Variants in ESRRG observed in about 807,000 individuals in gnomAD.
The protein encoded by ESRRG is estrogen related receptor gamma, also known as estrogen-related receptor gamma.
Under a neutral mutation model 44.0 loss-of-function variants are expected in ESRRG, and 13 were observed. The observed-to-expected ratio is 0.30, with a 90% CI of 0.19 to 0.47. The LOEUF (loss-of-function observed/expected upper bound fraction) is 0.47, where lower values mean the gene tolerates loss of function less well. Among genes scored for constraint, ESRRG ranks in the 20% least tolerant of loss-of-function variants. The pLI, the probability that ESRRG is intolerant of heterozygous loss-of-function variation, is 1.00. For synonymous variants in ESRRG, 215 were observed against 214.6 expected (o/e 1.00, Z -0.02); for missense variants, 395 against 580.6 (o/e 0.68, Z 3.29).
rs1553355981 is a variant in ESRRG at position 216,569,111 on chromosome 1, A to AGGAAGGAAGGAAGGAGGAAG, written c.590-1014_590-1013insCTTCCTCCTTCCTTCCTTCC. ...AAGGAAGGAAGGAAGGAAGGAAGGAAGAAGGAAGGAAGGAAGGAAGGAAAG... is the reference window on the plus strand; with the variant it reads ...AAGGAAGGAAGGAAGGAAGGAAGGAAGGAAGGAAGGAAGGAGGAAGGAAGGAAGGAAGGAAGGAAGGAAAG... On this transcript the variant is annotated intron_variant, in intron 3 of 6. Coordinates refer to ENST00000408911, the MANE Select transcript of ESRRG (RefSeq NM_001438.4). 3.0e-3 allele frequency among the ~76,000 whole-genome samples: 312 copies of AGGAAGGAAGGAAGGAGGAAG among 104,466 alleles called. 10 individuals carry two copies. Among genetic ancestry groups the AGGAAGGAAGGAAGGAGGAAG allele is most frequent in the African/African-American group, 8.1e-3 (229 of 28,360 alleles). 68.5% of individuals were successfully genotyped at this position (104,466 alleles called of 152,430 possible).
chr1:216,906,724 TA>T (rs1560060727), intron 2 of ESRRG, among the ~76,000 whole-genome samples: 3 of 152,190 alleles, frequency 2.0e-5, no homozygotes, highest in African/African-American at 7.2e-5. Context: ...AGAGAGAAAG[TA>T]AAGAAAGAAT....
chr1:216,721,328 G>A (rs1031089303), intron 1 of ESRRG, among the ~76,000 whole-genome samples: 6 of 152,146 alleles, frequency 3.9e-5, no homozygotes, highest in South Asian at 2.1e-4. Context: ...GGTTTAACCC[G>A]GTACAATTAC....
chr1:216,631,044 G>A (rs191400835), intron 3 of ESRRG, among the ~76,000 whole-genome samples: 1 of 150,328 alleles, frequency 6.7e-6, no homozygotes, highest in Non-Finnish European at 1.5e-5. Flanking sequence ...CACATTTTCT[G>A]TTCTAGGAAG....
intron 1 of ESRRG, among the ~76,000 whole-genome samples, chr1:216,707,931 C>A (rs1490314912): frequency 3.3e-5 from 5 of 151,948 alleles, no homozygotes; most frequent in Non-Finnish European, 7.4e-5. Context: ...AGCTATGTAC[C>A]CATAACCTAA....
At chr1:216,516,222 A>T (rs1345385937) in intron 6 of ESRRG, among the ~76,000 whole-genome samples, 1 of 152,148 alleles carries the variant, frequency 6.6e-6, no homozygotes, top group African/African-American at 2.4e-5. Flanking sequence ...TTCAAAAGTA[A>T]TTGGAACTAT....
intron 2 of ESRRG, among the ~76,000 whole-genome samples, chr1:216,931,646 C>T (rs567181963): frequency 2.8e-4 from 43 of 152,262 alleles, no homozygotes; most frequent in Admixed American, 2.3e-3. Flanking sequence ...TCTGAACACC[C>T]TTGGTTACTG....
chr1:216,764,107 T>C (rs2092942525), intron 2 of ESRRG, among the ~76,000 whole-genome samples: 1 of 152,104 alleles, frequency 6.6e-6, no homozygotes. Flanking sequence ...TCATCTCAGA[T>C]CAGAGGCAGA....
chr1:216,645,871 CA>C (rs776262531), intron 3 of ESRRG, among the ~76,000 whole-genome samples: 19,992 of 91,022 alleles, frequency 0.22, 1,532 homozygotes, highest in South Asian at 0.34. Context: ...GACCCCTTCT[CA>C]AAAAAAAAAA....
At chr1:216,971,153 T>C (rs1409933945) in intron 1 of ESRRG, among the ~76,000 whole-genome samples, 1 of 152,084 alleles carries the variant, frequency 6.6e-6, no homozygotes, top group Admixed American at 6.5e-5. Context: ...CTGCAGAAAA[T>C]ACTGTTTGAG....
chr1:217,024,177 T>C (rs1251790634), intron 1 of ESRRG, among the ~76,000 whole-genome samples: 2 of 151,810 alleles, frequency 1.3e-5, no homozygotes, highest in Non-Finnish European at 2.9e-5. Context: ...GCTAACACGG[T>C]GAAACCCCGT....
upstream of ESRRG, among the ~76,000 whole-genome samples, chr1:216,727,948 G>C (rs1032064645): frequency 1.8e-4 from 28 of 152,096 alleles, no homozygotes; most frequent in African/African-American, 5.8e-4. Context: ...AGGCAATTCA[G>C]TTTCTGTTTA....
chr1:216,816,892 A>C (rs1323937320), intron 2 of ESRRG, among the ~76,000 whole-genome samples: 1 of 152,308 alleles, frequency 6.6e-6, no homozygotes, highest in Non-Finnish European at 1.5e-5. Flanking sequence ...TCACGGTTTC[A>C]TTATCCTACT....
At chr1:216,785,036 C>G (rs1294981840) in intron 2 of ESRRG, among the ~76,000 whole-genome samples, 1 of 151,538 alleles carries the variant, frequency 6.6e-6, no homozygotes, top group Non-Finnish European at 1.5e-5. Flanking sequence ...GCAGCCAAAG[C>G]CTAAACTACG....
chr1:216,876,343 C>T (rs1481929421), intron 2 of ESRRG, among the ~76,000 whole-genome samples: 2 of 152,068 alleles, frequency 1.3e-5, no homozygotes, highest in Non-Finnish European at 2.9e-5. Context: ...AGCTACCTTT[C>T]ATTACTGACA....
chr1:216,817,086 G>T (rs866045323), intron 2 of ESRRG, among the ~76,000 whole-genome samples: 1 of 151,668 alleles, frequency 6.6e-6, no homozygotes, highest in African/African-American at 2.4e-5. Context: ...AGGTTTTGTG[G>T]GTCAATATGG....
intron 1 of ESRRG, among the ~76,000 whole-genome samples, chr1:217,047,950 G>T (rs536849598): frequency 1.3e-5 from 2 of 152,340 alleles, no homozygotes; most frequent in South Asian, 4.1e-4. Context: ...GGAAGAAGAA[G>T]AAGATGGACA....
intron 3 of ESRRG, among the ~76,000 whole-genome samples, chr1:216,636,370 C>T (rs893834227): frequency 4.6e-5 from 7 of 152,050 alleles, no homozygotes; most frequent in African/African-American, 1.7e-4. Context: ...TTAAAATACC[C>T]AGCCCTGAAG....
chr1:216,953,202 A>C (rs2067279260), intron 1 of ESRRG, among the ~76,000 whole-genome samples: 1 of 152,136 alleles, frequency 6.6e-6, no homozygotes, highest in African/African-American at 2.4e-5. Context: ...GTTCACACTA[A>C]AGGCATGGCA....
chr1:217,062,400 ACATTTTGGTGT>A (rs2088732659), intron 1 of ESRRG, among the ~76,000 whole-genome samples: 1 of 152,164 alleles, frequency 6.6e-6, no homozygotes. Context: ...ACAGCAGGAC[ACATTTTGGTGT>A]CAAAGAACAG....
Sources: allele counts gnomAD v4.1 joint callset (sites outside exome capture counted in the v4.1 genomes callset), GRCh38; gene constraint gnomAD v4.1.1; transcripts MANE v1.5; gene names NCBI Gene and HGNC (gene_info 2026-07-23, HGNC 2026-07-21).